Variants in SENP6 observed in about 807,000 individuals in gnomAD.
SENP6 encodes the protein SUMO specific peptidase 6.
A neutral mutation model predicts 134.5 loss-of-function variants in SENP6; 41 were observed. That is an observed-to-expected ratio of 0.30 (90% confidence interval 0.24 to 0.40). The LOEUF is 0.40. SENP6 is among the 10% of genes least tolerant of loss of function. The pLI, the probability that SENP6 is intolerant of heterozygous loss-of-function variation, is 1.00. For synonymous variants in SENP6, 395 were observed against 429.8 expected (o/e 0.92, Z 1.00); for missense variants, 1,248 against 1,312.5 (o/e 0.95, Z 0.76).
rs780926912 is a variant in SENP6, at chr6:75,670,727, A to G, written c.1392+7A>G. On this transcript the variant is annotated splice_region_variant and intron_variant, in intron 11 of 23. Coordinates refer to ENST00000447266, the MANE Select transcript of SENP6 (RefSeq NM_015571.4). ...GTTAATAGAGCCTGTAATTGTAAGT[A>G]CATCTTAAGCTCTTTACTATACCAA... The G allele has an allele frequency of 6.3e-7, 1 of 1,591,934 alleles. No individual in the cohort carries two copies. Among genetic ancestry groups the G allele is most frequent in the Non-Finnish European group, 8.6e-7 (1 of 1,165,454 alleles).
chr6:75,630,694 CTCTTTG>C (rs1769045420), intron 3 of SENP6, among the ~76,000 whole-genome samples: 1 of 152,140 alleles, frequency 6.6e-6, no homozygotes, highest in African/African-American at 2.4e-5. Flanking sequence ...ACAGAATCTT[CTCTTTG>C]TCTTTGGGCT....
intron 2 of SENP6, among the ~76,000 whole-genome samples, chr6:75,622,396 A>G (rs938964367): frequency 6.6e-6 from 1 of 152,104 alleles, no homozygotes; most frequent in Non-Finnish European, 1.5e-5. Flanking sequence ...CATCTCTACT[A>G]AAAATACAAA....
rs1346735925 is a variant in SENP6, at chr6:75,678,895, T to C, written c.2043T>C (p.Phe681=). ...TGCACTGTCTAAATGAAGGAGAATT[T>C]TTAAATGATGTTATTATAGACTTTT... ...EDLHCLNEGE[F]LNDVIIDFYL... Residue 681 remains phenylalanine (F), a synonymous_variant, in exon 16 of 24, where the codon TTT becomes TTC. Coordinates refer to ENST00000447266, the MANE Select transcript of SENP6 (RefSeq NM_015571.4). 3 of 1,572,458 alleles carry C rather than the reference T, an allele frequency of 1.9e-6. No homozygotes were observed. In the African/African-American group the frequency reaches 4.1e-5, roughly 21 times the overall value.
chr6:75,635,415 C>A (rs985501203), intron 5 of SENP6, among the ~76,000 whole-genome samples: 1 of 152,100 alleles, frequency 6.6e-6, no homozygotes, highest in Non-Finnish European at 1.5e-5. Context: ...GCATTATAAA[C>A]AGTTCCTTAT....
chr6:75,659,558 C>A, intron 8 of SENP6, 151 bp downstream of exon 8: 1 of 614,226 alleles, frequency 1.6e-6, no homozygotes, highest in Non-Finnish European at 2.7e-6. Context: ...CTTCAGTAGA[C>A]CATTTTTATG....
Position 75,713,659 on chromosome 6 carries a change from A to G in SENP6, c.2979-16A>G. ...TTATATATGTGTGTATTCTTAATAT[A>G]TATGAATTATTGCAGGTATTTAGAA... On this transcript the variant is annotated splice_polypyrimidine_tract_variant and intron_variant, in intron 22 of 23. Transcript: ENST00000447266. The G allele has an allele frequency of 6.3e-7, 1 of 1,599,860 alleles. No individual in the cohort carries two copies. Among genetic ancestry groups the G allele is most frequent in the Non-Finnish European group, 8.6e-7 (1 of 1,168,310 alleles).
At chr6:75,709,879 T>A (rs568721905) in intron 20 of SENP6, among the ~76,000 whole-genome samples, 1 of 152,304 alleles carries the variant, frequency 6.6e-6, no homozygotes, top group East Asian at 1.9e-4. Flanking sequence ...ACTAGTAATT[T>A]ATCATGGCTT....
intron 21 of SENP6, among the ~76,000 whole-genome samples, 183 bp from the exon 22 acceptor site, chr6:75,713,330 T>G (rs1311646553): frequency 1.3e-5 from 2 of 152,316 alleles, no homozygotes; most frequent in South Asian, 2.1e-4. Flanking sequence ...TATTTAAGTA[T>G]TATTAGATTA....
In SENP6 at chr6:75,624,016, C is replaced by G. The variant is rs1379602041; in HGVS notation, c.207+56C>G. 2.9e-6 allele frequency: 4 copies of G among 1,361,102 alleles called. No homozygotes were observed. The Admixed American group carries it at 7.9e-5, about 27-fold the overall frequency. 84.3% of individuals were successfully genotyped at this position (1,361,102 alleles called of 1,614,324 possible). On this transcript the variant is annotated intron_variant, in intron 3 of 23. Coordinates refer to ENST00000447266, the MANE Select transcript of SENP6 (RefSeq NM_015571.4). ...TACATTATATACAAAAAAATTGTTA[C>G]CTCAAAAGATTTAATATTTTTAAAT... is the stretch of plus-strand genomic sequence containing the variant.
At chr6:75,665,114 G>A (rs1167642797) in intron 9 of SENP6, among the ~76,000 whole-genome samples, 3 of 151,864 alleles carry the variant, frequency 2.0e-5, no homozygotes, top group Admixed American at 6.6e-5. Context: ...GTGAAACCCC[G>A]TCTCTACTAA....
Position 75,612,971 on chromosome 6 carries a change from G to A in SENP6, c.53-8561G>A, listed in dbSNP as rs563972768. ...ACTACTAAAAATACAAAAATCAGCC[G>A]GGCATCGTGGCATATGCCTGTAATC... is the stretch of plus-strand genomic sequence containing the variant. On this transcript the variant is annotated intron_variant, in intron 1 of 23. Transcript: ENST00000447266. Among the ~76,000 whole-genome samples the A allele has an allele frequency of 4.6e-5, 7 of 152,128 alleles. No individual in the cohort carries two copies. The South Asian group carries it at 6.2e-4, about 14-fold the overall frequency.
At chr6:75,704,701 G>A (rs533700388) in intron 19 of SENP6, among the ~76,000 whole-genome samples, 5 of 152,148 alleles carry the variant, frequency 3.3e-5, no homozygotes, top group Non-Finnish European at 1.5e-5. Flanking sequence ...CCCGTCCCAC[G>A]AGGCCATATT....
rs1382894907 is a variant in SENP6, at chr6:75,665,259, C to A, written c.995-1453C>A. On this transcript the variant is annotated intron_variant, in intron 9 of 23. Coordinates refer to ENST00000447266, the MANE Select transcript of SENP6 (RefSeq NM_015571.4). ...CAAGATCGCGCCACTGCGCTCCAGC[C>A]TGGGTGACAGAGTGAGACTCCGTCT... is the stretch of plus-strand genomic sequence containing the variant. Among the ~76,000 whole-genome samples the A allele has an allele frequency of 2.0e-5, 3 of 150,246 alleles. No homozygotes were observed. The South Asian group carries it at 6.3e-4, about 31-fold the overall frequency.
intron 16 of SENP6, among the ~76,000 whole-genome samples, chr6:75,687,795 A>G (rs1031242081): frequency 2.6e-5 from 4 of 152,058 alleles, no homozygotes; most frequent in Non-Finnish European, 5.9e-5. Flanking sequence ...GCAGCTGCCT[A>G]TGTGAGGTGT....
intron 1 of SENP6, among the ~76,000 whole-genome samples, chr6:75,603,392 G>C (rs1766785420): frequency 6.6e-6 from 1 of 152,160 alleles, no homozygotes; most frequent in African/African-American, 2.4e-5. Flanking sequence ...TGTAGCCCAA[G>C]AAGTGTTTAT....
chr6:75,661,081 C>A (rs1474244711), intron 8 of SENP6, among the ~76,000 whole-genome samples: 1 of 152,066 alleles, frequency 6.6e-6, no homozygotes, highest in Non-Finnish European at 1.5e-5. Flanking sequence ...TGTTTCTCGG[C>A]CTTCTCAGTG....
intron 11 of SENP6, 141 bp from the exon 12 acceptor site, chr6:75,675,294 T>C: frequency 9.6e-6 from 5 of 522,968 alleles, no homozygotes; most frequent in Non-Finnish European, 1.7e-5. Context: ...TAGGTGTTCA[T>C]TATAATGTTA....
intron 3 of SENP6, among the ~76,000 whole-genome samples, chr6:75,626,926 T>C (rs1768741516): frequency 6.6e-6 from 1 of 152,136 alleles, no homozygotes; most frequent in African/African-American, 2.4e-5. Context: ...TTTTTCCCTC[T>C]GCAACAGCTC....
intron 4 of SENP6, among the ~76,000 whole-genome samples, chr6:75,634,030 G>T (rs999973097): frequency 4.9e-4 from 75 of 152,254 alleles, no homozygotes; most frequent in African/African-American, 1.8e-3. Context: ...ACAATAGAGT[G>T]GTGTGGTCAT....
Sources: gnomAD v4.1 joint callset for allele counts (sites outside exome capture counted in the v4.1 genomes callset) on GRCh38, gnomAD v4.1.1 for gene constraint, MANE v1.5 for transcripts, NCBI Gene and HGNC (gene_info 2026-07-23, HGNC 2026-07-21) for gene names.